REC114: variants seen among roughly 807,000 people sequenced by gnomAD.
REC114 encodes the protein meiotic recombination protein REC114.
A neutral mutation model predicts 31.3 loss-of-function variants in REC114; 27 were observed. That is an observed-to-expected ratio of 0.86 (90% CI 0.64 to 1.19). REC114 has a LOEUF of 1.19. REC114 is among the 50% of genes most tolerant of loss of function. The pLI is 0.00. For missense variants in REC114, 344 were observed against 326.9 expected, an observed-to-expected ratio of 1.05 and a Z score of -0.40; for synonymous variants, 134 against 127.7, an observed-to-expected ratio of 1.05 and a Z score of -0.33.
In REC114 at chr15:73,453,069, A is replaced by G. The variant is rs150591422; in HGVS notation, c.159+9725A>G. Among the ~76,000 whole-genome samples the G allele has an allele frequency of 5.3e-3, 807 of 152,338 alleles. 5 individuals carry two copies. Among genetic ancestry groups the G allele is most frequent in the African/African-American group, 0.018 (765 of 41,582 alleles). On this transcript the variant is annotated intron_variant, in intron 1 of 5. Coordinates refer to ENST00000331090, the MANE Select transcript of REC114 (RefSeq NM_001042367.2). ...AGGCAATACCATTCAGGACATAGGC[A>G]TGGGCAAAGACTTCATGACTAAAAC...
intron 2 of REC114, among the ~76,000 whole-genome samples, chr15:73,507,384 C>G (rs1893694345): frequency 6.6e-6 from 1 of 152,018 alleles, no homozygotes; most frequent in Admixed American, 6.6e-5. Flanking sequence ...AGCTCATCAG[C>G]TATCGTTAAT....
intron 3 of REC114, among the ~76,000 whole-genome samples, chr15:73,541,721 C>T (rs574537691): frequency 1.3e-5 from 2 of 152,220 alleles, no homozygotes; most frequent in South Asian, 4.1e-4. Flanking sequence ...ACCAGGCTGC[C>T]CTTTGATCTT....
At chr15:73,540,352 T>C in intron 2 of REC114, 133 bp from the exon 3 acceptor site, 1 of 740,186 alleles carries the variant, frequency 1.4e-6, no homozygotes, top group East Asian at 2.5e-5. Context: ...CAACTGGTTT[T>C]ATTGAGTCAT....
chr15:73,499,976 A>AC (rs887885323), intron 2 of REC114, among the ~76,000 whole-genome samples: 19 of 152,100 alleles, frequency 1.2e-4, no homozygotes, highest in Non-Finnish European at 2.1e-4. Flanking sequence ...AATATAATAA[A>AC]CCCCATGCAT....
chr15:73,509,292 G>C (rs1893729111), intron 2 of REC114, among the ~76,000 whole-genome samples: 1 of 142,380 alleles, frequency 7.0e-6, no homozygotes, highest in Non-Finnish European at 1.5e-5. Context: ...TGATGGGGTT[G>C]TTTTTTTCTT....
rs1192976710 is a variant in REC114 at position 73,556,324 on chromosome 15, A to G, written c.569A>G (p.Gln190Arg). Reference protein sequence around the residue: ...QPGSHQHSEQQQVCVTAGTGA... With the variant: ...QPGSHQHSEQRQVCVTAGTGA... The stretch of plus-strand genomic sequence containing the variant: ...CAGTCCCACCAGCACTCAGAACAAC[A>G]GCAAGTGTGTGTAACAGCGGGCACA... Residue 190 changes from glutamine (Q) to arginine (R), a missense_variant, in exon 5 of 6, where the codon CAG (glutamine) becomes CGG (arginine). Transcript: ENST00000331090. 6.2e-7 allele frequency: 1 copy of G among 1,613,750 alleles called. No homozygotes were observed. Among genetic ancestry groups the G allele is most frequent in the East Asian group, 2.2e-5 (1 of 44,890 alleles).
intron 2 of REC114, among the ~76,000 whole-genome samples, chr15:73,489,838 C>CT (rs1387344853): frequency 6.6e-6 from 1 of 152,070 alleles, no homozygotes; most frequent in African/African-American, 2.4e-5. Context: ...CTTCCAAACT[C>CT]TAACAACAGT....
chr15:73,538,799 A>G (rs939876790), intron 2 of REC114, among the ~76,000 whole-genome samples: 4 of 151,668 alleles, frequency 2.6e-5, no homozygotes, highest in Admixed American at 6.6e-5. Flanking sequence ...AACATTTACT[A>G]CTTTTTACAC....
At chr15:73,543,520 G>A (rs1410509557) in intron 3 of REC114, among the ~76,000 whole-genome samples, 1 of 151,996 alleles carries the variant, frequency 6.6e-6, no homozygotes, top group Non-Finnish European at 1.5e-5. Context: ...GGAGAGACGG[G>A]GTTTCTCCAT....
At chr15:73,449,450 A>T (rs1472846357) in intron 1 of REC114, among the ~76,000 whole-genome samples, 1 of 152,172 alleles carries the variant, frequency 6.6e-6, no homozygotes, top group Non-Finnish European at 1.5e-5. Context: ...GTTAGAGAAA[A>T]GAGTGAAAAG....
intron 2 of REC114, among the ~76,000 whole-genome samples, chr15:73,493,950 C>A (rs1893481381): frequency 1.3e-5 from 2 of 152,122 alleles, no homozygotes; most frequent in Non-Finnish European, 2.9e-5. Context: ...CAGATGAGGG[C>A]TTTCTTATTT....
At position 73,443,360 on chromosome 15, in the gene REC114, A is replaced by G. The variant is rs1467135688; in HGVS notation, c.159+16A>G. 1 of 1,557,830 alleles carries G rather than the reference A, an allele frequency of 6.4e-7. No individual in the cohort carries two copies. Among genetic ancestry groups the G allele is most frequent in the East Asian group, 2.4e-5 (1 of 41,712 alleles). On this transcript the variant is annotated intron_variant, in intron 1 of 5. Coordinates refer to ENST00000331090, the MANE Select transcript of REC114 (RefSeq NM_001042367.2). ...CACATGGAAGGTGAGGCCCGAAGGC[A>G]GGAATATCCCTGAGGTGCCCACAGC...
intron 1 of REC114, among the ~76,000 whole-genome samples, chr15:73,462,053 T>A (rs1892997210): frequency 6.7e-6 from 1 of 149,714 alleles, no homozygotes. Flanking sequence ...TGCCTCGGCC[T>A]CCTTAGTAGC....
rs148987263 is a variant in REC114, at chr15:73,551,493, A to C, written c.546+343A>C. On this transcript the variant is annotated intron_variant, in intron 4 of 5. Coordinates refer to ENST00000331090, the MANE Select transcript of REC114 (RefSeq NM_001042367.2). ...TATCACTTGCCTTTTTCACTGTGTC[A>C]ACATTTGAATTGATGACACAAAGGC... Among the ~76,000 whole-genome samples the C allele has an allele frequency of 3.3e-4, 50 of 151,696 alleles. No homozygotes were observed. The East Asian group carries it at 9.5e-3, about 29-fold the overall frequency.
rs183153191 is a variant in REC114, at chr15:73,499,425, T to C, written c.249+25504T>C. Among the ~76,000 whole-genome samples the C allele has an allele frequency of 2.5e-3, 378 of 152,158 alleles. 3 individuals carry two copies. The highest frequency in any genetic ancestry group is 9.3e-4 in the Non-Finnish European group (63 of 67,982). Reference sequence around the variant, plus strand: ...TAGTCTTTTGTGTTAAATCTTTCAGTTTGGTTGAGGGACAACAGGGTAGTT... The same window carrying C: ...TAGTCTTTTGTGTTAAATCTTTCAGCTTGGTTGAGGGACAACAGGGTAGTT... On this transcript the variant is annotated intron_variant, in intron 2 of 5. Transcript: ENST00000331090.
At chr15:73,480,220 G>A (rs1308598757) in intron 2 of REC114, among the ~76,000 whole-genome samples, 2 of 151,906 alleles carry the variant, frequency 1.3e-5, no homozygotes, top group Admixed American at 1.3e-4. Flanking sequence ...ATACCTGTTG[G>A]CCATTTATGT....
chr15:73,467,136 T>C (rs1893072984), intron 1 of REC114, among the ~76,000 whole-genome samples: 1 of 152,182 alleles, frequency 6.6e-6, no homozygotes, highest in Non-Finnish European at 1.5e-5. Flanking sequence ...TAAGAATAAA[T>C]AACAAATCTG....
intron 1 of REC114, among the ~76,000 whole-genome samples, chr15:73,469,493 A>G (rs535775581): frequency 6.6e-6 from 1 of 151,958 alleles, no homozygotes; most frequent in East Asian, 1.9e-4. Flanking sequence ...GCAGTGGTGC[A>G]ATCATAGCTT....
At chr15:73,490,678 G>GAGCA (rs1373516555) in intron 2 of REC114, among the ~76,000 whole-genome samples, 1 of 152,166 alleles carries the variant, frequency 6.6e-6, no homozygotes, top group Non-Finnish European at 1.5e-5. Flanking sequence ...CTGAGCAACA[G>GAGCA]AGCAAGACCT....
Sources: allele counts gnomAD v4.1 joint callset (sites outside exome capture counted in the v4.1 genomes callset), GRCh38; gene constraint gnomAD v4.1.1; transcripts MANE v1.5; gene names NCBI Gene and HGNC (gene_info 2026-07-23, HGNC 2026-07-21).